Variants in SACS observed in about 807,000 individuals in gnomAD.
SACS encodes the protein sacsin molecular chaperone.
Under a neutral mutation model 348.0 loss-of-function variants are expected in SACS, and 197 were observed. That is an observed-to-expected ratio of 0.57 (90% confidence interval 0.50 to 0.64). The LOEUF (loss-of-function observed/expected upper bound fraction) is 0.64. Among genes scored for constraint, SACS ranks in the 30% least tolerant of loss-of-function variants. The pLI is 0.00. For missense variants in SACS, 4,999 were observed against 5,360.8 expected (o/e 0.93, Z 2.11); for synonymous variants, 1,985 against 1,910.6 (o/e 1.04, Z -1.02).
chr13:23,388,817 C>T (rs554382969), intron 2 of SACS, among the ~76,000 whole-genome samples: 46 of 152,096 alleles, frequency 3.0e-4, no homozygotes, highest in East Asian at 1.4e-3. Context: ...ACTAAAATTT[C>T]AGACTTCACC....
At position 23,355,192 on chromosome 13, in the gene SACS, G is replaced by T; in HGVS notation, c.1420C>A (p.Arg474Ser). 1.2e-6 allele frequency: 2 copies of T among 1,614,114 alleles called. No individual in the cohort carries two copies. Among genetic ancestry groups the T allele is most frequent in the Non-Finnish European group, 1.7e-6 (2 of 1,180,016 alleles). ...AGCTCTCTCCATTTTATGCTCCTGC[G>T]GTTATCAGTAAGGCCAAAGAACCCA... ...ISGFFGLTDN[R>S]RSIKWRELDQ... The change falls in exon 8 of 10, where the codon CGC (arginine) becomes AGC (serine). Residue 474 changes from arginine to serine, a missense_variant. This residue lies in a region of SACS where 3,156 missense variants were observed against 3,380.1 expected (regional missense o/e 0.93). Transcript: ENST00000382292.
intron 9 of SACS, among the ~76,000 whole-genome samples, chr13:23,341,972 A>G (rs760036195): frequency 5.9e-5 from 9 of 151,802 alleles, no homozygotes; most frequent in Non-Finnish European, 1.2e-4. Flanking sequence ...TGTTTTTAGT[A>G]GAGACGGGGT....
rs1207396097 is a variant in SACS at position 23,351,005 on chromosome 13, A to T, written c.2185+2780T>A. Among the ~76,000 whole-genome samples, 3 of 152,110 alleles carry T rather than the reference A, an allele frequency of 2.0e-5. No individual in the cohort carries two copies. The South Asian group carries it at 6.2e-4, about 32-fold the overall frequency. ...CCATTTCACTCTGGGAGTCAATAGA[A>T]ATCCAATGCCTGCCACAGCTATAAT... On this transcript the variant is annotated intron_variant, in intron 9 of 9. Coordinates refer to ENST00000382292, the MANE Select transcript of SACS (RefSeq NM_014363.6).
rs780070054 is a variant in SACS, at chr13:23,339,567, G to C, written c.4309C>G (p.Pro1437Ala). The C allele has an allele frequency of 2.5e-6, 4 of 1,612,914 alleles. No individual in the cohort carries two copies. The South Asian group carries it at 4.4e-5, about 18-fold the overall frequency. Residue 1437 changes from proline (P) to alanine (A), a missense_variant, in exon 10 of 10, where the codon CCA becomes GCA. Pro to Ala is a conservative substitution (Grantham distance 27). Around this residue, in one of 6 missense-constraint regions of SACS, gnomAD observed 3,156 missense variants for 3,380.1 expected, o/e 0.93. Coordinates refer to ENST00000382292, the MANE Select transcript of SACS (RefSeq NM_014363.6). ...PMKTAEWLKV[P>A]CLSTRLINPE... Reference sequence around the variant, plus strand: ...TTTATCAGTCTTGTACTAAGGCATGGAACTTTTAGCCATTCTGCAGTTTTC... The same window carrying C: ...TTTATCAGTCTTGTACTAAGGCATGCAACTTTTAGCCATTCTGCAGTTTTC...
At chr13:23,414,476 A>G (rs1481153147) in intron 1 of SACS, among the ~76,000 whole-genome samples, 1 of 152,222 alleles carries the variant, frequency 6.6e-6, no homozygotes, top group Admixed American at 6.5e-5. Context: ...GAAGGCAATC[A>G]GAGCAGTATT....
intron 5 of SACS, among the ~76,000 whole-genome samples, chr13:23,365,736 G>A (rs1871024430): frequency 6.6e-6 from 1 of 152,108 alleles, no homozygotes; most frequent in South Asian, 2.1e-4. Context: ...AAACCAAATA[G>A]TAGCAATCTA....
Position 23,368,461 on chromosome 13 carries a change from G to C in SACS, c.286C>G (p.Leu96Val). ...GGRFGQTTPPLVDFLKDILRR... is the reference protein window; with the variant it reads ...GGRFGQTTPPVVDFLKDILRR... ...AAAATGTCCTTGAGAAAATCAACAA[G>C]TGGTGGCGTTGTCTGACCAAATCGA... The change falls in exon 5 of 10, where the codon CTT (leucine) becomes GTT (valine). Residue 96 changes from leucine (L) to valine (V), a missense_variant. Leu to Val is a conservative substitution (Grantham distance 32). Transcript: ENST00000382292. The C allele has an allele frequency of 6.2e-7, 1 of 1,613,054 alleles. No homozygotes were observed. The highest frequency in any genetic ancestry group is 8.5e-7 in the Non-Finnish European group (1 of 1,179,546).
At chr13:23,349,040 A>G (rs958353358) in intron 9 of SACS, among the ~76,000 whole-genome samples, 14 of 152,228 alleles carry the variant, frequency 9.2e-5, no homozygotes, top group African/African-American at 3.4e-4. Context: ...GTTTACAATC[A>G]TGGAAAGTCC....
At chr13:23,394,100 G>A (rs888065721) in intron 2 of SACS, among the ~76,000 whole-genome samples, 1 of 152,166 alleles carries the variant, frequency 6.6e-6, no homozygotes, top group Admixed American at 6.5e-5. Context: ...GGGGGCTGGT[G>A]GCCAAGCGAA....
Position 23,339,244 on chromosome 13 carries a change from A to G in SACS, c.4632T>C (p.Ser1544=), listed in dbSNP as rs746782287. Residue 1544 remains serine, a synonymous_variant, in exon 10 of 10, where the codon TCT becomes TCC. Coordinates refer to ENST00000382292, the MANE Select transcript of SACS (RefSeq NM_014363.6). ...DFVNITRLGE[S]LKRGEVDKVG... ...CTTTGTCAACTTCTCCCCTTTTTAA[A>G]GATTCTCCTAACCTAGTTATGTTCA... 2 of 1,607,728 alleles carry G rather than the reference A, an allele frequency of 1.2e-6. No individual in the cohort carries two copies. Among genetic ancestry groups the G allele is most frequent in the Non-Finnish European group, 1.7e-6 (2 of 1,177,534 alleles).
Position 23,339,327 on chromosome 13 carries a change from A to C in SACS, c.4549T>G (p.Cys1517Gly). 6.2e-7 allele frequency: 1 copy of C among 1,612,528 alleles called. No individual in the cohort carries two copies. The highest frequency in any genetic ancestry group is 8.5e-7 in the Non-Finnish European group (1 of 1,179,456). The change falls in exon 10 of 10, where the codon TGT becomes GGT. Residue 1517 changes from cysteine to glycine, a missense_variant. Coordinates refer to ENST00000382292, the MANE Select transcript of SACS (RefSeq NM_014363.6). ...AATGACCACAAAGCAGGTCCATGAC[A>C]AGCTGCCATCCCTGGGTCTAGGAGA... is the stretch of plus-strand genomic sequence containing the variant. ...ENLLDPGMAA[C>G]HGPALWSFNN...
Position 23,358,346 on chromosome 13 carries a change from TAGAC to T in SACS, c.589_592del (p.Val197IlefsTer3). 1.2e-6 allele frequency: 2 copies of T among 1,613,988 alleles called. No homozygotes were observed. The highest frequency in any genetic ancestry group is 1.3e-5 in the African/African-American group (1 of 75,038). On this transcript the variant is annotated frameshift_variant, in exon 7 of 10. Transcript: ENST00000382292. LOFTEE classifies it high-confidence loss of function. ...GCCTAATACTCTACCTGTTATATGA[TAGAC>T]AGAATTAAACCCAATTCCAAATCTT...
In SACS at chr13:23,332,113, G is replaced by C; in HGVS notation, c.11763C>G (p.Ile3921Met). ...SQDGRLVKSS[I>M]LVFDDAPHYK... is the part of the protein sequence containing the mutation. ...AATGTGGCGCATCGTCAAACACTAA[G>C]ATGCTTGACTTTACCAATCTACCAT... The change falls in exon 10 of 10, where the codon ATC (isoleucine) becomes ATG (methionine). Residue 3921 changes from isoleucine to methionine, a missense_variant. Transcript: ENST00000382292. 6.2e-7 allele frequency: 1 copy of C among 1,614,030 alleles called. No individual in the cohort carries two copies. The highest frequency in any genetic ancestry group is 8.5e-7 in the Non-Finnish European group (1 of 1,179,966).
Position 23,401,848 on chromosome 13 carries a change from G to C in SACS, c.20+9372C>G, listed in dbSNP as rs553342359. Among the ~76,000 whole-genome samples the C allele has an allele frequency of 7.7e-4, 118 of 152,278 alleles. 1 individual carries two copies. Among genetic ancestry groups the C allele is most frequent in the African/African-American group, 2.7e-3 (111 of 41,564 alleles). On this transcript the variant is annotated intron_variant, in intron 2 of 9. Coordinates refer to ENST00000382292, the MANE Select transcript of SACS (RefSeq NM_014363.6). Reference sequence around the variant, plus strand: ...GGTAATCTGGGAACAGACTCCTGATGGCATTCCTTATTAACTTTGAGGCCA... The same window carrying C: ...GGTAATCTGGGAACAGACTCCTGATCGCATTCCTTATTAACTTTGAGGCCA...
intron 2 of SACS, among the ~76,000 whole-genome samples, chr13:23,398,414 G>A (rs1258779762): frequency 1.4e-5 from 2 of 147,304 alleles, no homozygotes; most frequent in African/African-American, 2.5e-5. Flanking sequence ...CATGCCTGTA[G>A]TTCCAGCTAC....
In SACS at chr13:23,338,331, C is replaced by T. The variant is rs368596705; in HGVS notation, c.5545G>A (p.Val1849Ile). Residue 1849 changes from valine to isoleucine, a missense_variant, in exon 10 of 10, where the codon GTA becomes ATA. This residue lies in a region of SACS where 3,156 missense variants were observed against 3,380.1 expected (regional missense o/e 0.93). Coordinates refer to ENST00000382292, the MANE Select transcript of SACS (RefSeq NM_014363.6). ...RRLGLVPCGA[V>I]GVQLSEIQDQ... ...TGGATTTCTGACAGCTGAACTCCTA[C>T]TGCCCCACATGGAACCAGTCCTAGT... The T allele has an allele frequency of 4.3e-6, 7 of 1,614,052 alleles. No homozygotes were observed. The highest frequency in any genetic ancestry group is 5.1e-6 in the Non-Finnish European group (6 of 1,180,022).
intron 2 of SACS, among the ~76,000 whole-genome samples, chr13:23,388,101 C>A (rs1006397511): frequency 1.3e-5 from 2 of 152,046 alleles, no homozygotes; most frequent in Non-Finnish European, 2.9e-5. Flanking sequence ...ACGGGGTATC[C>A]ACCCAAAAGA....
In SACS at chr13:23,332,025, A is replaced by C. The variant is rs1364994799; in HGVS notation, c.11851T>G (p.Leu3951Val). 1 of 1,614,142 alleles carries C rather than the reference A, an allele frequency of 6.2e-7. No homozygotes were observed. The highest frequency in any genetic ancestry group is 8.5e-7 in the Non-Finnish European group (1 of 1,179,966). Residue 3951 changes from leucine (L) to valine (V), a missense_variant, in exon 10 of 10, where the codon TTA becomes GTA. Coordinates refer to ENST00000382292, the MANE Select transcript of SACS (RefSeq NM_014363.6). ...QMLVDLSQCY[L>V]GKDHGFHTKL... ...GTGTGAAATCCATGGTCTTTCCCTA[A>C]GTAGCACTGGCTGAGATCAACTAAC...
chr13:23,356,727 G>A (rs915648228), intron 7 of SACS, among the ~76,000 whole-genome samples: 1 of 152,158 alleles, frequency 6.6e-6, no homozygotes, highest in Non-Finnish European at 1.5e-5. Context: ...AGTGTGCTTT[G>A]GTGAAGATCT....
Sources: gnomAD v4.1 joint callset for allele counts (sites outside exome capture counted in the v4.1 genomes callset) on GRCh38, gnomAD v4.1.1 for gene constraint, gnomAD v4.1.1 regional missense constraint, MANE v1.5 for transcripts, NCBI Gene and HGNC (gene_info 2026-07-23, HGNC 2026-07-21) for gene names.